The following LCAT variants were observed in gnomAD, a reference collection of about 807,000 sequenced individuals.
LCAT encodes phosphatidylcholine-sterol acyltransferase.
Under a neutral mutation model 41.0 loss-of-function variants are expected in LCAT, and 15 were observed. That is an observed-to-expected ratio of 0.37 (90% CI 0.24 to 0.56). The LOEUF (loss-of-function observed/expected upper bound fraction) is 0.56. LCAT is among the 20% of genes least tolerant of loss of function. LCAT has a pLI of 0.81. For missense variants in LCAT, 449 were observed against 595.1 expected (o/e 0.75, Z 2.55); for synonymous variants, 248 against 245.4 (o/e 1.01, Z -0.10).
chr16:67,941,602 A>C (rs2058290903), intron 5 of LCAT: 9 of 984,836 alleles, frequency 9.1e-6, no homozygotes, highest in Non-Finnish European at 1.1e-5. Context: ...GGGCGACAGA[A>C]TGACCCTGTC....
Position 67,942,564 on chromosome 16 carries a change from T to C in LCAT, c.547A>G (p.Lys183Glu), listed in dbSNP as rs760480927. 1 of 1,613,346 alleles carries C rather than the reference T, an allele frequency of 6.2e-7. No homozygotes were observed. The highest frequency in any genetic ancestry group is 1.1e-5 in the South Asian group (1 of 91,082). ...EPGQQEEYYR[K>E]LAGLVEEMHA... is the part of the protein sequence containing the mutation. ...ATCTCCTCCACCAGCCCTGCGAGCTTGCGGTAGTACTCCTCCTGCTGGCCT... is the reference window on the plus strand; with the variant it reads ...ATCTCCTCCACCAGCCCTGCGAGCTCGCGGTAGTACTCCTCCTGCTGGCCT... The change falls in exon 5 of 6, where the codon AAG (lysine) becomes GAG (glutamate). Residue 183 changes from lysine to glutamate, a missense_variant. By Grantham distance (56) the Lys-to-Glu change is moderately conservative. Transcript: ENST00000264005. The surrounding 1 kb of genome is among the most constrained non-coding windows in gnomAD (Gnocchi z 6.6).
chr16:67,940,318 T>C lies in LCAT; in HGVS notation c.909A>G (p.Gln303=), dbSNP rs1312446944. 1.9e-6 allele frequency: 3 copies of C among 1,613,910 alleles called. No homozygotes were observed. The highest frequency in any genetic ancestry group is 2.2e-5 in the South Asian group (2 of 91,088). Residue 303 remains glutamine, a synonymous_variant, in exon 6 of 6, where the codon CAA becomes CAG. Coordinates refer to ENST00000264005, the MANE Select transcript of LCAT (RefSeq NM_000229.2). ...PSFNYTGRDF[Q]RFFADLHFEE... ...CAAAGTGCAGGTCTGCAAAGAAGCG[T>C]TGGAAGTCACGGCCTGTGTAGTTGA...
At position 67,942,403 on chromosome 16, in the gene LCAT, G is replaced by A; in HGVS notation, c.708C>T (p.Pro236=). Residue 236 remains proline (P), a synonymous_variant, in exon 5 of 6, where the codon CCC becomes CCT. Coordinates refer to ENST00000264005, the MANE Select transcript of LCAT (RefSeq NM_000229.2). This position sits in a 1 kb window ranked among gnomAD's most constrained non-coding sequence, Gnocchi z 6.6. ...GCATGGGCTTGATGGAGCCACCCCA[G>A]GGAGCCCCAAGAGAGATGAAGCCAT... ...FIDGFISLGA[P]WGGSIKPMLV... 2.5e-6 allele frequency: 4 copies of A among 1,613,960 alleles called. No individual in the cohort carries two copies. The highest frequency in any genetic ancestry group is 3.4e-6 in the Non-Finnish European group (4 of 1,179,988).
In LCAT at chr16:67,939,883, T is replaced by TAA. The variant is rs1567407622; in HGVS notation, c.*20_*21insTT. On this transcript the variant is annotated 3_prime_UTR_variant, in exon 6 of 6. Transcript: ENST00000264005. The stretch of plus-strand genomic sequence containing the variant: ...AACCTGAAACATAGCCATCAGGGCT[T>TAA]ACGGTAGCAAAGGAAGGTCTTTATT... 6.2e-7 allele frequency: 1 copy of TAA among 1,607,708 alleles called. No homozygotes were observed. Among genetic ancestry groups the TAA allele is most frequent in the South Asian group, 1.1e-5 (1 of 90,656 alleles).
rs755919528 is a variant in LCAT at position 67,942,771 on chromosome 16, G to C, written c.428-5C>G. 6 of 1,612,570 alleles carry C rather than the reference G, an allele frequency of 3.7e-6. No individual in the cohort carries two copies. In the Admixed American group the frequency reaches 5.0e-5, roughly 13 times the overall value. On this transcript the variant is annotated splice_polypyrimidine_tract_variant and splice_region_variant and intron_variant, in intron 3 of 5. Coordinates refer to ENST00000264005, the MANE Select transcript of LCAT (RefSeq NM_000229.2). This position sits in a 1 kb window ranked among gnomAD's most constrained non-coding sequence, Gnocchi z 6.6. ...GCACCAGTGTGTGCAGGTACCCTGT[G>C]GGGGGACCAGCAGCACCGGGGGCTT...
In LCAT at chr16:67,943,902, TC is replaced by T. The variant is rs2058311124; in HGVS notation, c.154+45del. 4 of 1,485,746 alleles carry T rather than the reference TC, an allele frequency of 2.7e-6. No homozygotes were observed. The highest frequency in any genetic ancestry group is 2.8e-5 in the African/African-American group (2 of 71,550). The allele number at this position is 1,485,746 out of a possible 1,614,324, so 92.0% of individuals were successfully genotyped here. A position where few individuals can be genotyped will look rare whatever the true frequency, so the allele number is the denominator to read the frequency against. ...AGCTGCCAGGGGCTGGGGCCCAGGC[TC>T]CCCAGGGTCTGGCGTGGTGCATCAG... On this transcript the variant is annotated intron_variant, in intron 1 of 5. Transcript: ENST00000264005. The surrounding 1 kb of genome is among the most constrained non-coding windows in gnomAD (Gnocchi z 4.6).
At position 67,942,906 on chromosome 16, in the gene LCAT, C is replaced by A; in HGVS notation, c.382G>T (p.Gly128Cys). 6.2e-7 allele frequency: 1 copy of A among 1,613,858 alleles called. No homozygotes were observed. The highest frequency in any genetic ancestry group is 1.1e-5 in the South Asian group (1 of 91,074). Residue 128 changes from glycine to cysteine, a missense_variant, in exon 3 of 6, where the codon GGC becomes TGC. By Grantham distance (159) the Gly-to-Cys change is radical (BLOSUM62 -3). Coordinates refer to ENST00000264005, the MANE Select transcript of LCAT (RefSeq NM_000229.2). This position sits in a 1 kb window ranked among gnomAD's most constrained non-coding sequence, Gnocchi z 6.6. ...PGVQIRVPGF[G>C]KTYSVEYLDS... The stretch of plus-strand genomic sequence containing the variant: ...AGGTACTCCACAGAGTAGGTCTTGC[C>A]AAAGCCAGGGACGCGGATCTGGACA...
chr16:67,940,073 C>T lies in LCAT; in HGVS notation c.1154G>A (p.Gly385Asp). 6.2e-7 allele frequency: 1 copy of T among 1,612,960 alleles called. No individual in the cohort carries two copies. The highest frequency in any genetic ancestry group is 8.5e-7 in the Non-Finnish European group (1 of 1,179,982). ...RSTELCGLWQ[G>D]RQPQPVHLLP... Reference sequence around the variant, plus strand: ...CAGGTGCACAGGCTGTGGCTGGCGGCCCTGCCACAGGCCACAGAGCTCGGT... The same window carrying T: ...CAGGTGCACAGGCTGTGGCTGGCGGTCCTGCCACAGGCCACAGAGCTCGGT... The change falls in exon 6 of 6, where the codon GGC becomes GAC. Residue 385 changes from glycine (G) to aspartate (D), a missense_variant. By Grantham distance (94) the Gly-to-Asp change is moderately conservative. Coordinates refer to ENST00000264005, the MANE Select transcript of LCAT (RefSeq NM_000229.2).
intron 5 of LCAT, chr16:67,941,499 T>C (rs568403357): frequency 1.5e-4 from 46 of 306,854 alleles, no homozygotes; most frequent in Non-Finnish European, 2.1e-4. Flanking sequence ...TGTGTGCCTA[T>C]AGTCTCAGCT....
At position 67,942,303 on chromosome 16, in the gene LCAT, A is replaced by C; in HGVS notation, c.748+60T>G. 3 of 1,558,098 alleles carry C rather than the reference A, an allele frequency of 1.9e-6. No individual in the cohort carries two copies. The highest frequency in any genetic ancestry group is 2.6e-6 in the Non-Finnish European group (3 of 1,132,814). ...TGTGAGCAGGAGCCGCAATGAAGGC[A>C]GGCCCAGGATCAGCTTGGTCTCACC... is the stretch of plus-strand genomic sequence containing the variant. On this transcript the variant is annotated intron_variant, in intron 5 of 5. Coordinates refer to ENST00000264005, the MANE Select transcript of LCAT (RefSeq NM_000229.2). The surrounding 1 kb of genome is among the most constrained non-coding windows in gnomAD (Gnocchi z 6.6).
rs544632850 is a variant in LCAT, at chr16:67,941,637, G to A, written c.748+726C>T. 107 of 985,224 alleles carry A rather than the reference G, an allele frequency of 1.1e-4. 1 individual carries two copies. In the South Asian group the frequency reaches 4.4e-3, roughly 40 times the overall value. 61.0% of individuals were successfully genotyped at this position (985,224 alleles called of 1,614,324 possible). ...CTGAAAAAGAAAAAAAAAAGTAGGC[G>A]GGGCTTCCTGAGGACCAGGGTGTGT... On this transcript the variant is annotated intron_variant, in intron 5 of 5. Transcript: ENST00000264005.
chr16:67,941,600 G>GA, intron 5 of LCAT: 1 of 983,992 alleles, frequency 1.0e-6, no homozygotes, highest in Non-Finnish European at 1.2e-6. Flanking sequence ...CTGGGCGACA[G>GA]AATGACCCTG....
At position 67,940,201 on chromosome 16, in the gene LCAT, G is replaced by C; in HGVS notation, c.1026C>G (p.Gly342=). The change falls in exon 6 of 6, where the codon GGC becomes GGG. Residue 342 remains glycine, a synonymous_variant. Transcript: ENST00000264005. ...AGATGTAGGTGCGGGGCGTGGGCAGGCCCACGCCGTAAAGACAGTATACTT... is the reference window on the plus strand; with the variant it reads ...AGATGTAGGTGCGGGGCGTGGGCAGCCCCACGCCGTAAAGACAGTATACTT... ...GVEVYCLYGV[G]LPTPRTYIYD... The C allele has an allele frequency of 6.2e-7, 1 of 1,612,706 alleles. No homozygotes were observed. Among genetic ancestry groups the C allele is most frequent in the Middle Eastern group, 1.6e-4 (1 of 6,062 alleles).
In LCAT at chr16:67,943,926, CA is replaced by C. The variant is rs2058311753; in HGVS notation, c.154+21del. The C allele has an allele frequency of 6.5e-7, 1 of 1,537,408 alleles. No homozygotes were observed. Among genetic ancestry groups the C allele is most frequent in the Admixed American group, 2.0e-5 (1 of 50,344 alleles). Reference sequence around the variant, plus strand: ...CTCCCCAGGGTCTGGCGTGGTGCATCAGGGGCCTGGTGGGGGCTTACCGAGG... The same window carrying C: ...CTCCCCAGGGTCTGGCGTGGTGCATCGGGGCCTGGTGGGGGCTTACCGAGG... On this transcript the variant is annotated intron_variant, in intron 1 of 5. Transcript: ENST00000264005. This position sits in a 1 kb window ranked among gnomAD's most constrained non-coding sequence, Gnocchi z 4.6.
chr16:67,941,996 C>G (rs1386079051), intron 5 of LCAT: 2 of 1,205,716 alleles, frequency 1.7e-6, no homozygotes, highest in African/African-American at 3.2e-5. Flanking sequence ...GGCCCTAGCT[C>G]TGGCAGATCC....
At chr16:67,941,529 G>A (rs2058290351) in intron 5 of LCAT, 1 of 579,270 alleles carries the variant, frequency 1.7e-6, no homozygotes, top group Admixed American at 6.3e-5. Context: ...GCTGAGGCAG[G>A]AGGATTGCTT....
rs2058309089 is a variant in LCAT at position 67,943,757 on chromosome 16, T to C, written c.154+191A>G. On this transcript the variant is annotated intron_variant, in intron 1 of 5. Transcript: ENST00000264005. This position sits in a 1 kb window ranked among gnomAD's most constrained non-coding sequence, Gnocchi z 4.6. ...CCCCCCTGGGTTAGACAACTGAGAG[T>C]CACAGTGTGGTGGGAGAAGGGACGT... 1.7e-6 allele frequency: 1 copy of C among 604,370 alleles called. No individual in the cohort carries two copies. Among genetic ancestry groups the C allele is most frequent in the African/African-American group, 1.9e-5 (1 of 53,838 alleles). 37.4% of individuals were successfully genotyped at this position (604,370 alleles called of 1,614,324 possible). A position where few individuals can be genotyped will look rare whatever the true frequency, so the allele number is the denominator to read the frequency against.
chr16:67,940,218 A>G lies in LCAT; in HGVS notation c.1009T>C (p.Cys337Arg), dbSNP rs1206220969. 6.2e-7 allele frequency: 1 copy of G among 1,613,316 alleles called. No individual in the cohort carries two copies. Among genetic ancestry groups the G allele is most frequent in the Non-Finnish European group, 8.5e-7 (1 of 1,179,996 alleles). The part of the protein sequence containing the change: ...GLPAPGVEVY[C>R]LYGVGLPTPR... ...GTGGGCAGGCCCACGCCGTAAAGAC[A>G]GTATACTTCCACACCAGGTGCTGGG... The change falls in exon 6 of 6, where the codon TGT (cysteine) becomes CGT (arginine). Residue 337 changes from cysteine to arginine, a missense_variant. By Grantham distance (180) the Cys-to-Arg change is radical. Transcript: ENST00000264005.
Position 67,942,291 on chromosome 16 carries a change from C to A in LCAT, c.748+72G>T, listed in dbSNP as rs1023296176. 1.3e-6 allele frequency: 2 copies of A among 1,510,970 alleles called. No individual in the cohort carries two copies. 93.6% of individuals were successfully genotyped at this position (1,510,970 alleles called of 1,614,324 possible). A position where few individuals can be genotyped will look rare whatever the true frequency, so the allele number is the denominator to read the frequency against. ...CCTAGAGGCCACTGTGAGCAGGAGC[C>A]GCAATGAAGGCAGGCCCAGGATCAG... is the stretch of plus-strand genomic sequence containing the variant. On this transcript the variant is annotated intron_variant, in intron 5 of 5. Transcript: ENST00000264005. This position sits in a 1 kb window ranked among gnomAD's most constrained non-coding sequence, Gnocchi z 6.6.
Sources: gnomAD v4.1 joint callset for allele counts on GRCh38, gnomAD v4.1.1 for gene constraint, Gnocchi (gnomAD v3.1) non-coding constraint, MANE v1.5 for transcripts, NCBI Gene and HGNC (gene_info 2026-07-23, HGNC 2026-07-21) for gene names.